The following MARCHF8 variants were observed in gnomAD, a reference collection of about 807,000 sequenced individuals.
The protein encoded by MARCHF8 is E3 ubiquitin-protein ligase MARCHF8.
A neutral mutation model predicts 51.6 loss-of-function variants in MARCHF8; 40 were observed. The observed-to-expected ratio is 0.77, with a 90% confidence interval of 0.60 to 1.01. The LOEUF is 1.01. Ranked by LOEUF, MARCHF8 falls within the 50% of genes least tolerant of loss-of-function variation. MARCHF8 has a pLI of 0.00. For missense variants in MARCHF8, 685 were observed against 708.6 expected (o/e 0.97, Z 0.38); for synonymous variants, 263 against 280.3 (o/e 0.94, Z 0.62).
chr10:45,503,078 C>G (rs1183477729), intron 2 of MARCHF8, among the ~76,000 whole-genome samples: 1 of 152,042 alleles, frequency 6.6e-6, no homozygotes, highest in Non-Finnish European at 1.5e-5. Flanking sequence ...ATTGAAGTAG[C>G]AAAATACTGA....
intron 2 of MARCHF8, among the ~76,000 whole-genome samples, chr10:45,532,513 A>C (rs796975537): frequency 6.6e-6 from 1 of 152,230 alleles, no homozygotes; most frequent in South Asian, 2.1e-4. Flanking sequence ...CCATGGGATC[A>C]GTCCTTCTAT....
chr10:45,577,348 T>C (rs1452197749), intron 1 of MARCHF8, among the ~76,000 whole-genome samples: 1 of 152,120 alleles, frequency 6.6e-6, no homozygotes, highest in Non-Finnish European at 1.5e-5. Flanking sequence ...GTAACAATTA[T>C]ACATTTTAAA....
At chr10:45,541,956 C>A (rs1293720278) in intron 1 of MARCHF8, among the ~76,000 whole-genome samples, 1 of 152,210 alleles carries the variant, frequency 6.6e-6, no homozygotes, top group East Asian at 1.9e-4. Flanking sequence ...GTACACCAAG[C>A]TCCTAACCAT....
intron 2 of MARCHF8, among the ~76,000 whole-genome samples, chr10:45,512,792 G>C (rs2043551398): frequency 6.6e-6 from 1 of 152,160 alleles, no homozygotes; most frequent in Non-Finnish European, 1.5e-5. Flanking sequence ...AGGGGGGAAA[G>C]GTGGGGAAAA....
chr10:45,582,510 G>GA lies in MARCHF8; in HGVS notation c.-79+11724dup, dbSNP rs1170268852. Among the ~76,000 whole-genome samples the GA allele has an allele frequency of 6.6e-5, 10 of 152,122 alleles. No individual in the cohort carries two copies. The East Asian group carries it at 1.9e-3, about 29-fold the overall frequency. On this transcript the variant is annotated intron_variant, in intron 1 of 6. Coordinates refer to the MARCHF8 transcript ENST00000319836. ...ATTAAACAGGAGACCAAAAAAACCAGAATGGCAGAACTGAAAGGAATCAGA... is the reference window on the plus strand; with the variant it reads ...ATTAAACAGGAGACCAAAAAAACCAGAAATGGCAGAACTGAAAGGAATCAGA...
chr10:45,579,340 A>C (rs1205647654), intron 1 of MARCHF8, among the ~76,000 whole-genome samples: 3 of 151,872 alleles, frequency 2.0e-5, no homozygotes, highest in African/African-American at 7.3e-5. Context: ...CATAAAGCAA[A>C]AGACATAACT....
At chr10:45,512,199 G>A (rs946940911) in intron 2 of MARCHF8, among the ~76,000 whole-genome samples, 5 of 150,872 alleles carry the variant, frequency 3.3e-5, no homozygotes, top group Admixed American at 6.6e-5. Flanking sequence ...GAGACCCTCC[G>A]CCTGGCAACC....
At chr10:45,591,345 G>T (rs1159265290) in intron 1 of MARCHF8, among the ~76,000 whole-genome samples, 1 of 152,098 alleles carries the variant, frequency 6.6e-6, no homozygotes. Context: ...TGTGCCCATA[G>T]TCCTAGCTAC....
At chr10:45,478,965 TGAA>T (rs1267755813) in intron 3 of MARCHF8, among the ~76,000 whole-genome samples, 3 of 152,164 alleles carry the variant, frequency 2.0e-5, no homozygotes, top group Non-Finnish European at 4.4e-5. Context: ...TCCAAAAAAC[TGAA>T]GAAGAGAGAA....
intron 1 of MARCHF8, among the ~76,000 whole-genome samples, chr10:45,571,088 T>C (rs1201820469): frequency 6.6e-6 from 1 of 152,132 alleles, no homozygotes; most frequent in Non-Finnish European, 1.5e-5. Flanking sequence ...AATATAAAAG[T>C]ATATGAAATA....
intron 1 of MARCHF8, among the ~76,000 whole-genome samples, chr10:45,590,991 T>C (rs1016239433): frequency 3.2e-4 from 49 of 152,342 alleles, no homozygotes; most frequent in South Asian, 4.1e-4. Flanking sequence ...CTGATAAACG[T>C]ACTTTGTAAT....
intron 1 of MARCHF8, among the ~76,000 whole-genome samples, chr10:45,594,064 G>A (rs1482654519): frequency 6.6e-6 from 1 of 152,124 alleles, no homozygotes; most frequent in Non-Finnish European, 1.5e-5. Context: ...AGAAAAAAAG[G>A]TTTTGTTGCA....
intron 1 of MARCHF8, among the ~76,000 whole-genome samples, chr10:45,544,039 T>C (rs1564511110): frequency 6.6e-6 from 1 of 151,810 alleles, no homozygotes; most frequent in Non-Finnish European, 1.5e-5. Flanking sequence ...CTGTACTCCA[T>C]TCTGGGCAAC....
intron 2 of MARCHF8, among the ~76,000 whole-genome samples, chr10:45,524,474 T>C (rs984739097): frequency 3.3e-5 from 5 of 152,318 alleles, no homozygotes; most frequent in African/African-American, 1.2e-4. Context: ...ATTAATCTCT[T>C]GTGGCCCTTG....
chr10:45,547,409 ACT>A (rs2044140672), intron 1 of MARCHF8, among the ~76,000 whole-genome samples: 1 of 152,090 alleles, frequency 6.6e-6, no homozygotes, highest in Admixed American at 6.6e-5. Context: ...TATTTCAAGG[ACT>A]CTCAGCTGCC....
chr10:45,533,344 C>T, intron 1 of MARCHF8, 55 bp from the exon 2 acceptor site: 2 of 1,139,650 alleles, frequency 1.8e-6, no homozygotes, highest in Non-Finnish European at 2.3e-6. Context: ...CTTTAAATTT[C>T]CAAGAGTGAG....
intron 2 of MARCHF8, among the ~76,000 whole-genome samples, chr10:45,501,110 G>C (rs1447135467): frequency 2.0e-5 from 3 of 150,910 alleles, no homozygotes; most frequent in African/African-American, 7.3e-5. Flanking sequence ...TTGATAAACA[G>C]CTTAAACATA....
intron 2 of MARCHF8, among the ~76,000 whole-genome samples, chr10:45,508,833 A>T (rs189469301): frequency 1.1e-4 from 16 of 152,274 alleles, no homozygotes; most frequent in Admixed American, 5.9e-4. Context: ...ATTGTTTAAA[A>T]TTTTTTTATT....
At chr10:45,583,687 C>T (rs934625283) in intron 1 of MARCHF8, among the ~76,000 whole-genome samples, 1 of 152,018 alleles carries the variant, frequency 6.6e-6, no homozygotes, top group Non-Finnish European at 1.5e-5. Context: ...TAGTATGATG[C>T]TACTTTTATT....
Sources: allele counts gnomAD v4.1 joint callset (sites outside exome capture counted in the v4.1 genomes callset), GRCh38; gene constraint gnomAD v4.1.1; transcripts MANE v1.5; gene names NCBI Gene and HGNC (gene_info 2026-07-23, HGNC 2026-07-21).